AEBP1: variants seen among roughly 807,000 people sequenced by gnomAD.
The protein encoded by AEBP1 is adipocyte enhancer-binding protein 1.
Under a neutral mutation model 116.5 loss-of-function variants are expected in AEBP1, and 69 were observed. The observed-to-expected ratio is 0.59, with a 90% CI of 0.49 to 0.72. AEBP1 has a LOEUF of 0.72. Among genes scored for constraint, AEBP1 ranks in the 30% least tolerant of loss-of-function variants. The probability of loss-of-function intolerance (pLI) is 0.00; values close to 1 mark genes in which losing one functional copy is unlikely to be tolerated. For synonymous variants in AEBP1, 627 were observed against 627.3 expected, an observed-to-expected ratio of 1.00 and a Z score of 0.01; for missense variants, 1,444 against 1,557.5, an observed-to-expected ratio of 0.93 and a Z score of 1.23.
At position 44,114,044 on chromosome 7, in the gene AEBP1, C is replaced by T. The variant is rs2096233657; in HGVS notation, c.3260C>T (p.Thr1087Ile). 6.2e-7 allele frequency: 1 copy of T among 1,614,012 alleles called. No individual in the cohort carries two copies. The highest frequency in any genetic ancestry group is 1.3e-5 in the African/African-American group (1 of 74,904). ...GAGGAGTCGGAGACTGAGACCTACA[C>T]AGAGGTGGTGACAGAGTTTGGGACC... ...GWEESETETY[T>I]EVVTEFGTEV... The change falls in exon 21 of 21, where the codon ACA (threonine) becomes ATA (isoleucine). Residue 1087 changes from threonine to isoleucine, a missense_variant. Physicochemically the swap from Thr to Ile is moderately conservative, Grantham distance 89 (BLOSUM62 -1). Coordinates refer to ENST00000223357, the MANE Select transcript of AEBP1 (RefSeq NM_001129.5).
chr7:44,107,305 C>A lies in AEBP1; in HGVS notation c.596-134C>A. On this transcript the variant is annotated intron_variant, in intron 2 of 20. Coordinates refer to ENST00000223357, the MANE Select transcript of AEBP1 (RefSeq NM_001129.5). This position sits in a 1 kb window ranked among gnomAD's most constrained non-coding sequence, Gnocchi z 4.3. Reference sequence around the variant, plus strand: ...TGAAGGCCAGAGGAGCTCAGGCCTCCTTGGAGTGAGCTCGGCCTCAGGAGG... The same window carrying A: ...TGAAGGCCAGAGGAGCTCAGGCCTCATTGGAGTGAGCTCGGCCTCAGGAGG... 1 of 859,878 alleles carries A rather than the reference C, an allele frequency of 1.2e-6. No individual in the cohort carries two copies. The highest frequency in any genetic ancestry group is 1.9e-6 in the Non-Finnish European group (1 of 538,200). 53.3% of individuals were successfully genotyped at this position (859,878 alleles called of 1,614,324 possible). A position where few individuals can be genotyped will look rare whatever the true frequency, so the allele number is the denominator to read the frequency against.
Position 44,112,275 on chromosome 7 carries a change from A to G in AEBP1, c.2171A>G (p.Asn724Ser), listed in dbSNP as rs377753845. The G allele has an allele frequency of 1.3e-6, 2 of 1,587,568 alleles. No homozygotes were observed. Among genetic ancestry groups the G allele is most frequent in the African/African-American group, 2.7e-5 (2 of 73,792 alleles). Residue 724 changes from asparagine (N) to serine (S), a missense_variant, in exon 17 of 21, where the codon AAC becomes AGC. Asn to Ser is a conservative substitution (Grantham distance 46, BLOSUM62 1). Coordinates refer to ENST00000223357, the MANE Select transcript of AEBP1 (RefSeq NM_001129.5). This position sits in a 1 kb window ranked among gnomAD's most constrained non-coding sequence, Gnocchi z 6.6. ...AAATGGGTCCCCTACCGGGTCCCCA[A>G]CAATAACTTGCCCATCCCTGAACGC... ...ERKWVPYRVPNNNLPIPERYL... is the reference protein window; with the variant it reads ...ERKWVPYRVPSNNLPIPERYL...
chr7:44,113,820 C>A lies in AEBP1; in HGVS notation c.3036C>A (p.Thr1012=), dbSNP rs1200792568. Residue 1012 remains threonine, a synonymous_variant, in exon 21 of 21, where the codon ACC becomes ACA. Transcript: ENST00000223357. This position sits in a 1 kb window ranked among gnomAD's most constrained non-coding sequence, Gnocchi z 5.3. ...ACATAGACCCATCGCGCCCTATGAC[C>A]CCCCAACAGCGACGCCTGCAGCAGC... ...IPHIDPSRPM[T]PQQRRLQQRR... 18 of 1,613,986 alleles carry A rather than the reference C, an allele frequency of 1.1e-5. No homozygotes were observed. Among genetic ancestry groups the A allele is most frequent in the Non-Finnish European group, 1.4e-5 (17 of 1,179,996 alleles).
rs1403859108 is a variant in AEBP1 at position 44,108,439 on chromosome 7, A to C, written c.940+355A>C. On this transcript the variant is annotated intron_variant, in intron 6 of 20. Coordinates refer to ENST00000223357, the MANE Select transcript of AEBP1 (RefSeq NM_001129.5). The surrounding 1 kb of genome is among the most constrained non-coding windows in gnomAD (Gnocchi z 5.0). ...GGCCACTGCCCCACTCTCTTCAGGG[A>C]GCCCGAGGGCTTTTGCCTCCCTGTT... is the stretch of plus-strand genomic sequence containing the variant. Among the ~76,000 whole-genome samples, 1 of 151,870 alleles carries C rather than the reference A, an allele frequency of 6.6e-6. No individual in the cohort carries two copies. The highest frequency in any genetic ancestry group is 1.9e-4 in the East Asian group (1 of 5,170).
intron 1 of AEBP1, among the ~76,000 whole-genome samples, chr7:44,105,690 C>T (rs1055866197): frequency 2.6e-5 from 4 of 152,164 alleles, no homozygotes; most frequent in Admixed American, 6.5e-5. Flanking sequence ...GCTCTCCTTC[C>T]AGGCTTGCTC....
Position 44,113,655 on chromosome 7 carries a change from G to A in AEBP1, c.2871G>A (p.Ala957=). The A allele has an allele frequency of 1.2e-6, 2 of 1,613,852 alleles. No individual in the cohort carries two copies. The highest frequency in any genetic ancestry group is 1.7e-6 in the Non-Finnish European group (2 of 1,179,972). ...GTGAGTACCGCGTGACAGCCCACGC[G>A]GAGGGCTACACCCCGAGCGCCAAGA... ...NPGEYRVTAH[A]EGYTPSAKTC... Residue 957 remains alanine (A), a synonymous_variant, in exon 21 of 21, where the codon GCG becomes GCA. Transcript: ENST00000223357. The surrounding 1 kb of genome is among the most constrained non-coding windows in gnomAD (Gnocchi z 5.3).
rs750430662 is a variant in AEBP1, at chr7:44,107,551, C to G, written c.667+41C>G. The G allele has an allele frequency of 4.3e-6, 7 of 1,613,238 alleles. No individual in the cohort carries two copies. Among genetic ancestry groups the G allele is most frequent in the Non-Finnish European group, 5.9e-6 (7 of 1,179,852 alleles). ...CCGCCTGGCCTTGGGGCCAGCTGCC[C>G]TGGCTGGTTGGACTGAGGGCTTCCC... On this transcript the variant is annotated intron_variant, in intron 3 of 20. Transcript: ENST00000223357. This position sits in a 1 kb window ranked among gnomAD's most constrained non-coding sequence, Gnocchi z 4.3.
chr7:44,105,587 CTGA>C (rs779736477), intron 1 of AEBP1, among the ~76,000 whole-genome samples: 1 of 152,062 alleles, frequency 6.6e-6, no homozygotes, highest in Non-Finnish European at 1.5e-5. Context: ...TCCAACATTC[CTGA>C]TGTCAGCAGC....
In AEBP1 at chr7:44,107,455, T is replaced by A; in HGVS notation, c.612T>A (p.Asn204Lys). Residue 204 changes from asparagine (N) to lysine (K), a missense_variant, in exon 3 of 21, where the codon AAT (asparagine) becomes AAA (lysine). Transcript: ENST00000223357. The surrounding 1 kb of genome is among the most constrained non-coding windows in gnomAD (Gnocchi z 4.3). ...LPQEGGAPLS[N>K]NWQNPGEETH... ...GTGTTGCAGGGGCGCCCCTCTCAAA[T>A]AACTGGCAGAATCCAGGAGAGGAGA... The A allele has an allele frequency of 6.2e-7, 1 of 1,613,248 alleles. No homozygotes were observed. The highest frequency in any genetic ancestry group is 8.5e-7 in the Non-Finnish European group (1 of 1,179,934).
At chr7:44,106,336 T>C (rs533696627) in intron 1 of AEBP1, 5 of 708,574 alleles carry the variant, frequency 7.1e-6, no homozygotes, top group Admixed American at 2.0e-5. Context: ...GAGGTTGAGA[T>C]TGGTGGTCAC....
In AEBP1 at chr7:44,111,442, G is replaced by A. The variant is rs1047240011; in HGVS notation, c.1717-65G>A. On this transcript the variant is annotated intron_variant, in intron 14 of 20. Transcript: ENST00000223357. The surrounding 1 kb of genome is among the most constrained non-coding windows in gnomAD (Gnocchi z 4.7). The stretch of plus-strand genomic sequence containing the variant: ...CGCCATAGAGCAGGCCCTGGAAGTG[G>A]AAGGGGCATGGTCAGCGGGGGACGG... 23 of 1,515,284 alleles carry A rather than the reference G, an allele frequency of 1.5e-5. No individual in the cohort carries two copies. The highest frequency in any genetic ancestry group is 3.5e-6 in the Non-Finnish European group (4 of 1,131,084). The allele number at this position is 1,515,284 out of a possible 1,614,324, so 93.9% of individuals were successfully genotyped here. A position where few individuals can be genotyped will look rare whatever the true frequency, so the allele number is the denominator to read the frequency against.
rs117622853 is a variant in AEBP1, at chr7:44,110,578, C to A, written c.1401-147C>A. 1.3e-3 allele frequency: 1,248 copies of A among 954,836 alleles called. 1 individual carries two copies. The highest frequency in any genetic ancestry group is 1.7e-3 in the Non-Finnish European group (1,065 of 634,800). 59.1% of individuals were successfully genotyped at this position (954,836 alleles called of 1,614,324 possible). On this transcript the variant is annotated intron_variant, in intron 11 of 20. Transcript: ENST00000223357. Reference sequence around the variant, plus strand: ...AGATCACCTGCCCATGGCTATGTGACGGGCATAGGACCCAGGCTCAACACC... The same window carrying A: ...AGATCACCTGCCCATGGCTATGTGAAGGGCATAGGACCCAGGCTCAACACC...
Position 44,108,039 on chromosome 7 carries a change from C to T in AEBP1, c.895C>T (p.Pro299Ser), listed in dbSNP as rs376019197. The T allele has an allele frequency of 7.1e-5, 113 of 1,599,284 alleles. 1 individual carries two copies. In the East Asian group the frequency reaches 8.2e-4, roughly 12 times the overall value. The part of the protein sequence containing the change: ...PPVKPLLPPL[P>S]PDYGDGYVIP... Reference sequence around the variant, plus strand: ...TGTGAAGCCTCTGCTGCCCCCGCTGCCCCCTGACTATGGTGATGGTTACGT... The same window carrying T: ...TGTGAAGCCTCTGCTGCCCCCGCTGTCCCCTGACTATGGTGATGGTTACGT... The change falls in exon 6 of 21, where the codon CCC (proline) becomes TCC (serine). Residue 299 changes from proline to serine, a missense_variant. By Grantham distance (74) the Pro-to-Ser change is moderately conservative. Transcript: ENST00000223357. This position sits in a 1 kb window ranked among gnomAD's most constrained non-coding sequence, Gnocchi z 5.0.
intron 1 of AEBP1, chr7:44,106,164 T>G: frequency 2.1e-6 from 1 of 477,246 alleles, no homozygotes; most frequent in Non-Finnish European, 4.1e-6. Flanking sequence ...GATGACCAGA[T>G]GCTCCTCCAG....
chr7:44,111,408 C>T lies in AEBP1; in HGVS notation c.1717-99C>T. The T allele has an allele frequency of 1.4e-6, 2 of 1,467,012 alleles. No homozygotes were observed. Among genetic ancestry groups the T allele is most frequent in the African/African-American group, 1.4e-5 (1 of 70,498 alleles). 90.9% of individuals were successfully genotyped at this position (1,467,012 alleles called of 1,614,324 possible). On this transcript the variant is annotated intron_variant, in intron 14 of 20. Transcript: ENST00000223357. The surrounding 1 kb of genome is among the most constrained non-coding windows in gnomAD (Gnocchi z 4.7). ...CTGGGGGCTGCGTGAAGGGGTCATGCCCGTCCCTCGCCATAGAGCAGGCCC... is the reference window on the plus strand; with the variant it reads ...CTGGGGGCTGCGTGAAGGGGTCATGTCCGTCCCTCGCCATAGAGCAGGCCC...
At position 44,108,904 on chromosome 7, in the gene AEBP1, T is replaced by A; in HGVS notation, c.946T>A (p.Tyr316Asn). 1.9e-6 allele frequency: 3 copies of A among 1,580,770 alleles called. No homozygotes were observed. The highest frequency in any genetic ancestry group is 1.7e-6 in the Non-Finnish European group (2 of 1,164,236). Residue 316 changes from tyrosine to asparagine, a missense_variant, in exon 7 of 21, where the codon TAT (tyrosine) becomes AAT (asparagine). Tyr to Asn is a moderately radical substitution (Grantham distance 143). Transcript: ENST00000223357. The surrounding 1 kb of genome is among the most constrained non-coding windows in gnomAD (Gnocchi z 5.0). ...YVIPNYDDMD[Y>N]YFGPPPPQKP... ...CTGGCTCTCCCTCCCCATAGTGGAC[T>A]ATTACTTTGGGCCTCCTCCGCCCCA... is the stretch of plus-strand genomic sequence containing the variant.
Position 44,107,362 on chromosome 7 carries a change from T to A in AEBP1, c.596-77T>A. The A allele has an allele frequency of 5.6e-6, 8 of 1,432,086 alleles. No homozygotes were observed. Among genetic ancestry groups the A allele is most frequent in the Non-Finnish European group, 7.9e-6 (8 of 1,018,386 alleles). 88.7% of individuals were successfully genotyped at this position (1,432,086 alleles called of 1,614,324 possible). ...ACAGGCTCTGTGTGGGCTCTATGGG[T>A]GGCTGGTGGCCTGAGGCTCCCAAGG... On this transcript the variant is annotated intron_variant, in intron 2 of 20. Coordinates refer to ENST00000223357, the MANE Select transcript of AEBP1 (RefSeq NM_001129.5). This position sits in a 1 kb window ranked among gnomAD's most constrained non-coding sequence, Gnocchi z 4.3.
In AEBP1 at chr7:44,108,198, C is replaced by T. The variant is rs940773055; in HGVS notation, c.940+114C>T. The T allele has an allele frequency of 9.6e-6, 10 of 1,039,934 alleles. No individual in the cohort carries two copies. The highest frequency in any genetic ancestry group is 2.6e-5 in the East Asian group (1 of 38,328). The allele number at this position is 1,039,934 out of a possible 1,614,324, so 64.4% of individuals were successfully genotyped here. On this transcript the variant is annotated intron_variant, in intron 6 of 20. Coordinates refer to ENST00000223357, the MANE Select transcript of AEBP1 (RefSeq NM_001129.5). The surrounding 1 kb of genome is among the most constrained non-coding windows in gnomAD (Gnocchi z 5.0). ...CCCACCTTGCAACCCCACCTGTGCC[C>T]GTGGTTACCTCGCTGTCCCTGCTGT...
chr7:44,109,225 G>C, intron 8 of AEBP1, 41 bp downstream of exon 8: 7 of 1,612,448 alleles, frequency 4.3e-6, no homozygotes, highest in South Asian at 3.3e-5. Flanking sequence ...CTGTGGGGCA[G>C]CATCTGGACT....
Sources: allele counts gnomAD v4.1 joint callset (sites outside exome capture counted in the v4.1 genomes callset), GRCh38; gene constraint gnomAD v4.1.1; non-coding constraint Gnocchi (gnomAD v3.1); transcripts MANE v1.5; gene names NCBI Gene and HGNC (gene_info 2026-07-23, HGNC 2026-07-21).